ZNF365: variants seen among roughly 807,000 people sequenced by gnomAD.
The protein encoded by ZNF365 is zinc finger protein 365, also known as protein ZNF365.
ZNF365 carries 22 observed loss-of-function variants against 35.0 expected under a neutral mutation model. The observed-to-expected ratio is 0.63, with a 90% CI of 0.45 to 0.90. ZNF365 has a LOEUF of 0.90. Ranked by LOEUF, ZNF365 falls within the 40% of genes least tolerant of loss-of-function variation. ZNF365 has a pLI of 0.00. For synonymous variants in ZNF365, 188 were observed against 196.2 expected, an observed-to-expected ratio of 0.96 and a Z score of 0.35; for missense variants, 448 against 500.3, an observed-to-expected ratio of 0.90 and a Z score of 1.00.
intron 4 of ZNF365, among the ~76,000 whole-genome samples, chr10:62,465,781 G>C (rs757202055): frequency 1.3e-5 from 2 of 152,150 alleles, no homozygotes; most frequent in African/African-American, 4.8e-5. Context: ...CCCACTGAAT[G>C]ATGGGAGTGA....
chr10:62,395,617 T>C (rs1839713121), intron 3 of ZNF365, among the ~76,000 whole-genome samples: 1 of 151,434 alleles, frequency 6.6e-6, no homozygotes, highest in African/African-American at 2.4e-5. Flanking sequence ...TCGGCCTCCT[T>C]TAGTGCTGGG....
chr10:62,478,417 G>A (rs1841166839), intron 4 of ZNF365, among the ~76,000 whole-genome samples: 1 of 152,186 alleles, frequency 6.6e-6, no homozygotes, highest in South Asian at 2.1e-4. Context: ...TTAGCCCTTT[G>A]CTCTATCCTA....
chr10:62,437,557 A>C (rs1399030412), intron 3 of ZNF365, among the ~76,000 whole-genome samples: 1 of 152,238 alleles, frequency 6.6e-6, no homozygotes, highest in Non-Finnish European at 1.5e-5. Context: ...GTTTTTAGCA[A>C]GTTATTTACA....
intron 3 of ZNF365, among the ~76,000 whole-genome samples, chr10:62,423,639 C>A (rs1840208147): frequency 6.6e-6 from 1 of 152,030 alleles, no homozygotes; most frequent in Non-Finnish European, 1.5e-5. Flanking sequence ...ATAGAAAATC[C>A]TTGCTATGAG....
At chr10:62,464,781 C>T (rs1448002587) in intron 4 of ZNF365, among the ~76,000 whole-genome samples, 1 of 152,192 alleles carries the variant, frequency 6.6e-6, no homozygotes, top group Non-Finnish European at 1.5e-5. Context: ...GGACACAATA[C>T]TCGAAGTCAT....
At chr10:62,375,439 G>A (rs962821758) in intron 1 of ZNF365, 1 of 152,230 alleles carries the variant, frequency 6.6e-6, no homozygotes, top group Non-Finnish European at 1.5e-5. Flanking sequence ...TGAAACTCAC[G>A]TATGGGGTCT....
intron 3 of ZNF365, among the ~76,000 whole-genome samples, chr10:62,449,800 T>G (rs1252496028): frequency 6.7e-6 from 1 of 150,094 alleles, no homozygotes; most frequent in Non-Finnish European, 1.5e-5. Context: ...TTTGCACTAG[T>G]CTTAGCCTGG....
intron 3 of ZNF365, among the ~76,000 whole-genome samples, chr10:62,444,566 A>G (rs977807648): frequency 1.1e-4 from 17 of 151,914 alleles, no homozygotes; most frequent in African/African-American, 4.1e-4. Flanking sequence ...CAACCACCCT[A>G]ACTTTTCCTT....
chr10:62,471,168 C>T (rs1346244474), intron 4 of ZNF365, among the ~76,000 whole-genome samples: 1 of 151,988 alleles, frequency 6.6e-6, no homozygotes, highest in Non-Finnish European at 1.5e-5. Flanking sequence ...AGATCGAGAT[C>T]ATCCTGGCTA....
chr10:62,392,950 A>G (rs575801620), intron 3 of ZNF365, among the ~76,000 whole-genome samples: 10 of 152,162 alleles, frequency 6.6e-5, no homozygotes, highest in African/African-American at 2.4e-4. Context: ...TTATTTTTAT[A>G]CCAGAGAAGT....
At chr10:62,406,942 C>G (rs933122030), downstream of ZNF365, among the ~76,000 whole-genome samples, 2 of 152,142 alleles carry the variant, frequency 1.3e-5, no homozygotes, top group Non-Finnish European at 2.9e-5. Context: ...TCCAGTGAGA[C>G]AGCATCATTC....
chr10:62,387,594 T>C (rs1291559503), intron 2 of ZNF365, among the ~76,000 whole-genome samples: 3 of 152,210 alleles, frequency 2.0e-5, no homozygotes, highest in Non-Finnish European at 4.4e-5. Flanking sequence ...TGAAGTATTT[T>C]GCTCAGCTTC....
chr10:62,439,576 T>A (rs546870974), intron 3 of ZNF365, among the ~76,000 whole-genome samples: 1 of 152,318 alleles, frequency 6.6e-6, no homozygotes, highest in African/African-American at 2.4e-5. Flanking sequence ...CTCTAATAGC[T>A]GTGGCTCTTC....
intron 2 of ZNF365, among the ~76,000 whole-genome samples, chr10:62,386,767 A>C (rs972033472): frequency 1.3e-5 from 2 of 152,222 alleles, no homozygotes; most frequent in African/African-American, 4.8e-5. Flanking sequence ...CCTGAGCTAG[A>C]CTTCCCTGAA....
chr10:62,391,228 T>G (rs1346109667), intron 3 of ZNF365, among the ~76,000 whole-genome samples: 1 of 152,240 alleles, frequency 6.6e-6, no homozygotes, highest in Non-Finnish European at 1.5e-5. Context: ...GTTTTTTAAA[T>G]TTTTAATTTT....
intron 4 of ZNF365, among the ~76,000 whole-genome samples, chr10:62,464,691 T>A (rs1349727424): frequency 3.9e-5 from 6 of 152,252 alleles, no homozygotes; most frequent in African/African-American, 1.4e-4. Flanking sequence ...AAACTCCAGA[T>A]TTTTTATTTC....
At chr10:62,431,980 G>A (rs1352351161) in intron 3 of ZNF365, among the ~76,000 whole-genome samples, 3 of 152,144 alleles carry the variant, frequency 2.0e-5, no homozygotes, top group Non-Finnish European at 4.4e-5. Flanking sequence ...GTAACTTACA[G>A]TTGGTCACAA....
At chr10:62,421,509 C>T (rs1477591266) in intron 3 of ZNF365, among the ~76,000 whole-genome samples, 3 of 152,068 alleles carry the variant, frequency 2.0e-5, no homozygotes, top group African/African-American at 2.4e-5. Flanking sequence ...AACCCAAGTC[C>T]GTATCACGTA....
chr10:62,445,732 C>T (rs975354447), intron 3 of ZNF365, among the ~76,000 whole-genome samples: 4 of 152,204 alleles, frequency 2.6e-5, no homozygotes, highest in East Asian at 1.9e-4. Flanking sequence ...TGAAAGTTTT[C>T]GCTACAAAAA....
Sources: allele counts gnomAD v4.1 joint callset (sites outside exome capture counted in the v4.1 genomes callset), GRCh38; gene constraint gnomAD v4.1.1; transcripts MANE v1.5; gene names NCBI Gene and HGNC (gene_info 2026-07-23, HGNC 2026-07-21).